Variants in GUCY1B1 observed in about 807,000 individuals in gnomAD.
GUCY1B1 encodes the protein guanylate cyclase 1 soluble subunit beta 1, also known as guanylate cyclase soluble subunit beta-1.
In GUCY1B1, 43 loss-of-function variants were observed where a neutral mutation model predicts 71.0. The ratio of observed to expected loss-of-function variants is 0.61; its 90% CI spans 0.47 to 0.78. The LOEUF (loss-of-function observed/expected upper bound fraction) is 0.78, where lower values mean the gene tolerates loss of function less well. Ranked by LOEUF, GUCY1B1 falls within the 30% of genes least tolerant of loss-of-function variation. The pLI, the probability that GUCY1B1 is intolerant of heterozygous loss-of-function variation, is 0.00. For missense variants in GUCY1B1, 535 were observed against 754.1 expected (o/e 0.71, Z 3.40); for synonymous variants, 266 against 259.7 (o/e 1.02, Z -0.23).
At chr4:155,769,291 T>A (rs1351259786) in intron 2 of GUCY1B1, among the ~76,000 whole-genome samples, 1 of 152,174 alleles carries the variant, frequency 6.6e-6, no homozygotes, top group Non-Finnish European at 1.5e-5. Context: ...TTTTCCATAC[T>A]GTGTGAGGAA....
At chr4:155,795,315 C>T (rs748991158) in intron 6 of GUCY1B1, 26 bp from the exon 7 acceptor site, 1 of 1,156,940 alleles carries the variant, frequency 8.6e-7, no homozygotes, top group East Asian at 2.3e-5. Context: ...TGATGTGATA[C>T]TCTTTGCTCT....
At chr4:155,784,256 T>C (rs1579222555) in intron 4 of GUCY1B1, among the ~76,000 whole-genome samples, 2 of 152,274 alleles carry the variant, frequency 1.3e-5, no homozygotes, top group East Asian at 3.9e-4. Flanking sequence ...TCTATATCTT[T>C]TCAGTTGAAA....
rs1381204493 is a variant in GUCY1B1 at position 155,802,186 on chromosome 4, AC to A, written c.1176-155del. The A allele has an allele frequency of 2.7e-6, 4 of 1,461,028 alleles. No homozygotes were observed. Among genetic ancestry groups the A allele is most frequent in the Non-Finnish European group, 3.6e-6 (4 of 1,106,404 alleles). 90.5% of individuals were successfully genotyped at this position (1,461,028 alleles called of 1,614,324 possible). On this transcript the variant is annotated intron_variant, in intron 9 of 13. Coordinates refer to ENST00000264424, the MANE Select transcript of GUCY1B1 (RefSeq NM_000857.5). The surrounding 1 kb of genome is among the most constrained non-coding windows in gnomAD (Gnocchi z 4.3). ...TTTCTGTAAATCCTTGCTTATAAAT[AC>A]AGCTAATATTTGATGCTAATTTTAG...
chr4:155,803,572 G>C lies in GUCY1B1; in HGVS notation c.1414-52G>C. The C allele has an allele frequency of 4.7e-6, 6 of 1,287,984 alleles. 1 individual carries two copies. The South Asian group carries it at 1.1e-4, about 23-fold the overall frequency. 79.8% of individuals were successfully genotyped at this position (1,287,984 alleles called of 1,614,324 possible). ...TATGTTTTTTGTTAGGGTAATAAAT[G>C]AAACAGTCTTTTTTATGCTAACCGT... On this transcript the variant is annotated intron_variant, in intron 10 of 13. Coordinates refer to ENST00000264424, the MANE Select transcript of GUCY1B1 (RefSeq NM_000857.5).
Position 155,802,420 on chromosome 4 carries a change from C to A in GUCY1B1, c.1254C>A (p.Asp418Glu), listed in dbSNP as rs1185841652. Reference protein sequence around the residue: ...HKRPVPAKRYDNVTILFSGIV... With the variant: ...HKRPVPAKRYENVTILFSGIV... ...GTCCAGTGCCTGCCAAAAGATATGA[C>A]AATGTGACCATCCTCTTTAGTGGCA... The change falls in exon 10 of 14, where the codon GAC becomes GAA. Residue 418 changes from aspartate to glutamate, a missense_variant. By Grantham distance (45) the Asp-to-Glu change is conservative. Transcript: ENST00000264424. This position sits in a 1 kb window ranked among gnomAD's most constrained non-coding sequence, Gnocchi z 4.3. 6.2e-7 allele frequency: 1 copy of A among 1,613,778 alleles called. No homozygotes were observed. Among genetic ancestry groups the A allele is most frequent in the Admixed American group, 1.7e-5 (1 of 60,000 alleles).
chr4:155,778,143 A>T (rs1158158361), intron 4 of GUCY1B1, among the ~76,000 whole-genome samples: 1 of 152,242 alleles, frequency 6.6e-6, no homozygotes, highest in Non-Finnish European at 1.5e-5. Context: ...CTTAAGATCC[A>T]TTATCATTAG....
chr4:155,776,477 C>T (rs1738054522), intron 3 of GUCY1B1, among the ~76,000 whole-genome samples: 1 of 152,130 alleles, frequency 6.6e-6, no homozygotes, highest in African/African-American at 2.4e-5. Context: ...CGAGACCATC[C>T]TGGCCAACAT....
At chr4:155,770,489 G>A (rs1157815903) in intron 2 of GUCY1B1, among the ~76,000 whole-genome samples, 1 of 152,144 alleles carries the variant, frequency 6.6e-6, no homozygotes, top group Admixed American at 6.5e-5. Context: ...AGGCTTGGTT[G>A]ATTCAAAATT....
At chr4:155,766,245 T>G (rs1737325734) in intron 2 of GUCY1B1, among the ~76,000 whole-genome samples, 1 of 152,336 alleles carries the variant, frequency 6.6e-6, no homozygotes, top group East Asian at 1.9e-4. Flanking sequence ...ATTCAACTAC[T>G]ATTTAAATAT....
At chr4:155,806,056 T>A (rs767178871) in intron 13 of GUCY1B1, among the ~76,000 whole-genome samples, 25 of 152,204 alleles carry the variant, frequency 1.6e-4, no homozygotes, top group Admixed American at 3.9e-4. Flanking sequence ...TCTCTAAAGA[T>A]GCTTTTAGGG....
rs556610219 is a variant in GUCY1B1 at position 155,796,552 on chromosome 4, T to C, written c.977+42T>C. 19 of 1,364,404 alleles carry C rather than the reference T, an allele frequency of 1.4e-5. No homozygotes were observed. The African/African-American group carries it at 2.2e-4, about 15-fold the overall frequency. The allele number at this position is 1,364,404 out of a possible 1,614,324, so 84.5% of individuals were successfully genotyped here. ...TAATTATAGTGGCTATCAGTACCTA[T>C]CTTTAGCTAACAAAGGAATGCCACA... On this transcript the variant is annotated intron_variant, in intron 8 of 13. Coordinates refer to ENST00000264424, the MANE Select transcript of GUCY1B1 (RefSeq NM_000857.5).
intron 5 of GUCY1B1, among the ~76,000 whole-genome samples, chr4:155,792,440 A>T (rs1399683842): frequency 6.6e-6 from 1 of 152,180 alleles, no homozygotes; most frequent in Non-Finnish European, 1.5e-5. Context: ...TGAGTTAGGG[A>T]AATCAACCTT....
At chr4:155,792,793 A>C (rs2111125190) in intron 5 of GUCY1B1, among the ~76,000 whole-genome samples, 1 of 152,268 alleles carries the variant, frequency 6.6e-6, no homozygotes, top group African/African-American at 2.4e-5. Flanking sequence ...CAATTTCTTA[A>C]CCCAAAAAGA....
rs531251084 is a variant in GUCY1B1 at position 155,761,963 on chromosome 4, T to G, written c.77+2103T>G. 3.9e-4 allele frequency among the ~76,000 whole-genome samples: 60 copies of G among 152,324 alleles called. 2 individuals carry two copies. In the South Asian group the frequency reaches 0.011, roughly 28 times the overall value. Reference sequence around the variant, plus strand: ...TTGGTAATCCAGGTGTTAGTGTTGATTCTTTATTTGTCTAAGCATCTTTTG... The same window carrying G: ...TTGGTAATCCAGGTGTTAGTGTTGAGTCTTTATTTGTCTAAGCATCTTTTG... On this transcript the variant is annotated intron_variant, in intron 2 of 13. Coordinates refer to ENST00000264424, the MANE Select transcript of GUCY1B1 (RefSeq NM_000857.5).
At chr4:155,759,941 C>A in intron 2 of GUCY1B1, 81 bp downstream of exon 2, 1 of 1,036,052 alleles carries the variant, frequency 9.7e-7, no homozygotes, top group East Asian at 2.5e-5. Flanking sequence ...GGTCCTCAGC[C>A]TGCTGGCCGG....
intron 4 of GUCY1B1, among the ~76,000 whole-genome samples, chr4:155,787,074 T>C (rs1222071532): frequency 6.6e-6 from 1 of 152,126 alleles, no homozygotes; most frequent in Non-Finnish European, 1.5e-5. Flanking sequence ...TTTCACAAAA[T>C]GTTTCACAAC....
At chr4:155,801,596 CAAAAGGCAGGAAGA>C (rs1224529994) in intron 9 of GUCY1B1, among the ~76,000 whole-genome samples, 1 of 152,076 alleles carries the variant, frequency 6.6e-6, no homozygotes, top group Non-Finnish European at 1.5e-5. Context: ...TGCTTTAGAG[CAAAAGGCAGGAAGA>C]AAAAGGCAGG....
intron 2 of GUCY1B1, among the ~76,000 whole-genome samples, chr4:155,765,732 G>A (rs1174336548): frequency 1.3e-5 from 2 of 152,110 alleles, no homozygotes; most frequent in East Asian, 1.9e-4. Context: ...CACTCAACTT[G>A]TCCTACATAC....
At chr4:155,798,543 G>A (rs938884794) in intron 8 of GUCY1B1, among the ~76,000 whole-genome samples, 5 of 151,982 alleles carry the variant, frequency 3.3e-5, no homozygotes, top group Admixed American at 1.3e-4. Flanking sequence ...TAAAATCTTT[G>A]ATTGTTTTAT....
Sources: gnomAD v4.1 joint callset for allele counts (sites outside exome capture counted in the v4.1 genomes callset) on GRCh38, gnomAD v4.1.1 for gene constraint, Gnocchi (gnomAD v3.1) non-coding constraint, MANE v1.5 for transcripts, NCBI Gene and HGNC (gene_info 2026-07-23, HGNC 2026-07-21) for gene names.